EEA1: variants seen among roughly 807,000 people sequenced by gnomAD.
EEA1 encodes early endosome antigen 1.
Under a neutral mutation model 209.2 loss-of-function variants are expected in EEA1, and 111 were observed. The observed-to-expected ratio is 0.53, with a 90% CI of 0.45 to 0.62. The LOEUF (loss-of-function observed/expected upper bound fraction) is 0.62, where lower values mean the gene tolerates loss of function less well. Ranked by LOEUF, EEA1 falls within the 20% of genes least tolerant of loss-of-function variation. The probability of loss-of-function intolerance (pLI) is 0.00; values close to 1 mark genes in which losing one functional copy is unlikely to be tolerated. For synonymous variants in EEA1, 536 were observed against 540.6 expected, an observed-to-expected ratio of 0.99 and a Z score of 0.12; for missense variants, 1,343 against 1,530.8, an observed-to-expected ratio of 0.88 and a Z score of 2.05.
chr12:92,874,929 C>T (rs2136735066), intron 2 of EEA1, among the ~76,000 whole-genome samples: 1 of 152,194 alleles, frequency 6.6e-6, no homozygotes, highest in East Asian at 1.9e-4. Context: ...ATACAACATA[C>T]ATATGTATTG....
chr12:92,804,614 T>C (rs1246041643), intron 18 of EEA1, among the ~76,000 whole-genome samples: 2 of 148,182 alleles, frequency 1.3e-5, no homozygotes, highest in African/African-American at 5.0e-5. Flanking sequence ...ATAATATACC[T>C]AGGAAAGCCT....
chr12:92,828,181 T>A (rs932798435), intron 11 of EEA1, 120 bp from the exon 12 acceptor site: 1 of 754,416 alleles, frequency 1.3e-6, no homozygotes, highest in African/African-American at 1.8e-5. Context: ...ATTTTCGTGA[T>A]ACTTTGGGGA....
intron 21 of EEA1, 148 bp downstream of exon 21, chr12:92,798,744 T>C: frequency 2.0e-6 from 1 of 496,170 alleles, no homozygotes; most frequent in Non-Finnish European, 3.4e-6. Context: ...GATAATATAG[T>C]CAAATGCTTT....
intron 2 of EEA1, among the ~76,000 whole-genome samples, chr12:92,876,403 C>T (rs956499877): frequency 3.9e-5 from 6 of 151,986 alleles, no homozygotes; most frequent in African/African-American, 1.5e-4. Context: ...CTATTTCCAC[C>T]CACTTGAATG....
At chr12:92,848,223 C>A (rs1466453768) in intron 9 of EEA1, among the ~76,000 whole-genome samples, 1 of 149,762 alleles carries the variant, frequency 6.7e-6, no homozygotes, top group East Asian at 1.9e-4. Context: ...CTAGAAATAC[C>A]TTTTCTAGAA....
Position 92,799,093 on chromosome 12 carries a change from G to GAA in EEA1, c.2773-9_2773-8dup, listed in dbSNP as rs148365385. 103 of 1,499,884 alleles carry GAA rather than the reference G, an allele frequency of 6.9e-5. No individual in the cohort carries two copies. Among genetic ancestry groups the GAA allele is most frequent in the Middle Eastern group, 1.8e-4 (1 of 5,596 alleles). The allele number at this position is 1,499,884 out of a possible 1,614,324, so 92.9% of individuals were successfully genotyped here. A position where few individuals can be genotyped will look rare whatever the true frequency, so the allele number is the denominator to read the frequency against. On this transcript the variant is annotated splice_polypyrimidine_tract_variant and splice_region_variant and intron_variant, in intron 20 of 28. Transcript: ENST00000322349. ...ATTTCAACTGATGAGAAGCCTGAAAGAAAAAAAAAATCTATTTAGCCTTCA... is the reference window on the plus strand; with the variant it reads ...ATTTCAACTGATGAGAAGCCTGAAAGAAAAAAAAAAAATCTATTTAGCCTTCA...
chr12:92,787,827 AACTT>A, intron 22 of EEA1, 36 bp downstream of exon 22: 1 of 1,398,040 alleles, frequency 7.2e-7, no homozygotes, highest in Non-Finnish European at 9.4e-7. Flanking sequence ...ATGTCTATAA[AACTT>A]ACTGAGACTT....
chr12:92,853,090 T>C, intron 6 of EEA1, 65 bp from the exon 7 acceptor site: 1 of 1,042,040 alleles, frequency 9.6e-7, no homozygotes, highest in Non-Finnish European at 1.4e-6. Context: ...TGTTATTACT[T>C]ATATTTATTA....
At position 92,809,172 on chromosome 12, in the gene EEA1, G is replaced by T; in HGVS notation, c.2200-16C>A. The T allele has an allele frequency of 6.5e-7, 1 of 1,532,366 alleles. No homozygotes were observed. Among genetic ancestry groups the T allele is most frequent in the Non-Finnish European group, 8.8e-7 (1 of 1,142,100 alleles). 94.9% of individuals were successfully genotyped at this position (1,532,366 alleles called of 1,614,324 possible). ...CTTCTAGTTTCTATGAAAGAAATAT[G>T]ATATGGCAGCCATTTTAATATTAGT... On this transcript the variant is annotated splice_polypyrimidine_tract_variant and intron_variant, in intron 17 of 28. Coordinates refer to ENST00000322349, the MANE Select transcript of EEA1 (RefSeq NM_003566.4).
At chr12:92,914,149 T>C (rs1459049150) in intron 1 of EEA1, among the ~76,000 whole-genome samples, 1 of 151,806 alleles carries the variant, frequency 6.6e-6, no homozygotes, top group Non-Finnish European at 1.5e-5. Context: ...CACCCTCAGG[T>C]CTCCCCTTAC....
intron 13 of EEA1, among the ~76,000 whole-genome samples, chr12:92,825,209 C>A (rs945519278): frequency 1.2e-4 from 18 of 151,946 alleles, no homozygotes; most frequent in Middle Eastern, 3.4e-3. Context: ...AGCATGAGGT[C>A]GGGAGGACGA....
chr12:92,847,940 T>G (rs1334776455), intron 9 of EEA1, among the ~76,000 whole-genome samples: 1 of 152,074 alleles, frequency 6.6e-6, no homozygotes, highest in Non-Finnish European at 1.5e-5. Flanking sequence ...AATAATAATA[T>G]TATTCTGACT....
rs1366630244 is a variant in EEA1 at position 92,773,911 on chromosome 12, T to C, written c.*2100A>G. Reference sequence around the variant, plus strand: ...AGAAAATCATTCAAACACCTATATATGGTTACTTGTTGTCTTAAAATTTTT... The same window carrying C: ...AGAAAATCATTCAAACACCTATATACGGTTACTTGTTGTCTTAAAATTTTT... On this transcript the variant is annotated 3_prime_UTR_variant, in exon 29 of 29. Transcript: ENST00000322349. The C allele has an allele frequency of 1.4e-5, 2 of 148,070 alleles. No individual in the cohort carries two copies. The highest frequency in any genetic ancestry group is 3.0e-5 in the Non-Finnish European group (2 of 66,234). The allele number at this position is 148,070 out of a possible 1,614,324, so 9.2% of individuals were successfully genotyped here.
intron 1 of EEA1, among the ~76,000 whole-genome samples, chr12:92,925,339 C>A (rs1881173025): frequency 6.6e-6 from 1 of 152,182 alleles, no homozygotes; most frequent in Non-Finnish European, 1.5e-5. Flanking sequence ...CTCAGTCTCC[C>A]AAGTAGTTGG....
At chr12:92,900,064 C>T (rs1880083860) in intron 1 of EEA1, among the ~76,000 whole-genome samples, 1 of 151,482 alleles carries the variant, frequency 6.6e-6, no homozygotes, top group African/African-American at 2.4e-5. Context: ...TCACTGAGGA[C>T]TTTTTTTTTA....
chr12:92,914,114 C>T (rs769008764), intron 1 of EEA1, among the ~76,000 whole-genome samples: 3 of 151,888 alleles, frequency 2.0e-5, no homozygotes, highest in Non-Finnish European at 4.4e-5. Context: ...TATCCTTTCC[C>T]CGCTGCATTT....
intron 14 of EEA1, among the ~76,000 whole-genome samples, chr12:92,817,600 C>T (rs771264483): frequency 3.9e-5 from 6 of 152,124 alleles, no homozygotes; most frequent in Admixed American, 6.6e-5. Flanking sequence ...TTTTAAAGTA[C>T]TTGTCTGGTG....
chr12:92,849,013 T>G (rs1877500398), intron 9 of EEA1, among the ~76,000 whole-genome samples: 1 of 152,170 alleles, frequency 6.6e-6, no homozygotes, highest in African/African-American at 2.4e-5. Flanking sequence ...TGAGCCACCA[T>G]ACTCAGCCTG....
chr12:92,854,021 A>T, intron 5 of EEA1, 67 bp from the exon 6 acceptor site: 1 of 1,232,640 alleles, frequency 8.1e-7, no homozygotes, highest in Non-Finnish European at 1.1e-6. Flanking sequence ...AAAATGGTCA[A>T]TGTTAAAAAA....
Sources: gnomAD v4.1 joint callset for allele counts (sites outside exome capture counted in the v4.1 genomes callset) on GRCh38, gnomAD v4.1.1 for gene constraint, MANE v1.5 for transcripts, NCBI Gene and HGNC (gene_info 2026-07-23, HGNC 2026-07-21) for gene names.